The following GBF1 variants were observed in gnomAD, a reference collection of about 807,000 sequenced individuals.
GBF1 encodes the protein golgi brefeldin A resistant guanine nucleotide exchange factor 1.
In GBF1, 114 loss-of-function variants were observed where a neutral mutation model predicts 210.5. That is an observed-to-expected ratio of 0.54 (90% CI 0.47 to 0.63). The LOEUF (loss-of-function observed/expected upper bound fraction) is 0.63, where lower values mean the gene tolerates loss of function less well. Ranked by LOEUF, GBF1 falls within the 30% of genes least tolerant of loss-of-function variation. The pLI is 0.00. For synonymous variants in GBF1, 850 were observed against 889.2 expected (o/e 0.96, Z 0.78); for missense variants, 1,851 against 2,357.7 (o/e 0.79, Z 4.45).
At chr10:102,353,485 C>A in intron 7 of GBF1, 115 bp from the exon 8 acceptor site, 1 of 766,290 alleles carries the variant, frequency 1.3e-6, no homozygotes, top group Non-Finnish European at 2.4e-6. Flanking sequence ...CTTTTGTAGC[C>A]TTTTCTAAGA....
intron 29 of GBF1, among the ~76,000 whole-genome samples, chr10:102,372,556 G>A (rs1589816568): frequency 1.3e-5 from 2 of 152,202 alleles, no homozygotes; most frequent in Non-Finnish European, 2.9e-5. Context: ...ATTATGTGGT[G>A]TCGATGGAGG....
Position 102,363,981 on chromosome 10 carries a change from T to C in GBF1, c.2106+183T>C, listed in dbSNP as rs1589786547. ...AAGCCCTTCCCTTACTCCTAAGCTA[T>C]GTAGTTGAGCATACCCTATGTATGC... On this transcript the variant is annotated intron_variant, in intron 17 of 39. Transcript: ENST00000369983. The surrounding 1 kb of genome is among the most constrained non-coding windows in gnomAD (Gnocchi z 4.2). 3.3e-5 allele frequency among the ~76,000 whole-genome samples: 5 copies of C among 152,234 alleles called. No individual in the cohort carries two copies. Among genetic ancestry groups the C allele is most frequent in the Admixed American group, 6.5e-5 (1 of 15,290 alleles).
chr10:102,331,793 C>T (rs1338125121), intron 3 of GBF1, among the ~76,000 whole-genome samples: 1 of 151,828 alleles, frequency 6.6e-6, no homozygotes, highest in Non-Finnish European at 1.5e-5. Context: ...GTGATCCACC[C>T]CACACGTCAG....
At chr10:102,336,672 C>T (rs1374035441) in intron 3 of GBF1, among the ~76,000 whole-genome samples, 2 of 152,128 alleles carry the variant, frequency 1.3e-5, no homozygotes, top group Non-Finnish European at 2.9e-5. Context: ...GAATCGTCCA[C>T]GAAAGCCCAT....
At chr10:102,230,753 CG>C in the GBF1 span, 24 of 1,489,030 alleles carry the variant, frequency 1.6e-5, no homozygotes, top group East Asian at 8.0e-5. Context: ...GGAGCCAGCC[CG>C]GGGGGGCCCC....
chr10:102,370,568 G>A, intron 28 of GBF1, 90 bp downstream of exon 28: 1 of 1,305,742 alleles, frequency 7.7e-7, no homozygotes, highest in Non-Finnish European at 1.1e-6. Flanking sequence ...CTGGGGAACT[G>A]TAGGCAGCAG....
chr10:102,240,444 C>T (rs902910386), upstream of GBF1, among the ~76,000 whole-genome samples: 2 of 152,232 alleles, frequency 1.3e-5, no homozygotes, highest in African/African-American at 4.8e-5. Flanking sequence ...CTTCGCAGCC[C>T]GAAGGAGCTG....
At chr10:102,324,549 A>G (rs1033911098) in intron 3 of GBF1, among the ~76,000 whole-genome samples, 3 of 151,984 alleles carry the variant, frequency 2.0e-5, no homozygotes, top group Admixed American at 6.6e-5. Context: ...CATCTCTACC[A>G]TTGGGTGGTC....
At chr10:102,355,108 C>A (rs2059216854) in intron 8 of GBF1, among the ~76,000 whole-genome samples, 1 of 152,016 alleles carries the variant, frequency 6.6e-6, no homozygotes, top group Non-Finnish European at 1.5e-5. Flanking sequence ...CTAAAGATTA[C>A]CCTAATCTGC....
intron 3 of GBF1, among the ~76,000 whole-genome samples, chr10:102,266,078 A>C (rs1392614182): frequency 2.0e-5 from 3 of 152,162 alleles, no homozygotes; most frequent in African/African-American, 7.2e-5. Context: ...TCTACTAAAA[A>C]AATACAAAAA....
intron 3 of GBF1, among the ~76,000 whole-genome samples, chr10:102,313,736 C>T (rs1267257229): frequency 6.6e-6 from 1 of 152,160 alleles, no homozygotes; most frequent in Admixed American, 6.5e-5. Context: ...TAATCCTGTC[C>T]ACCTAACTAG....
chr10:102,237,682 C>A, the GBF1 span, among the ~76,000 whole-genome samples: 1 of 152,170 alleles, frequency 6.6e-6, no homozygotes, highest in Non-Finnish European at 1.5e-5. Flanking sequence ...GTTTTGAGGT[C>A]ACCAGCTTTA....
At chr10:102,283,973 T>G (rs980867702) in intron 3 of GBF1, among the ~76,000 whole-genome samples, 3 of 152,148 alleles carry the variant, frequency 2.0e-5, no homozygotes, top group Non-Finnish European at 4.4e-5. Context: ...GAGCCTCCAG[T>G]GGGAATACAG....
intron 3 of GBF1, among the ~76,000 whole-genome samples, chr10:102,270,361 G>C (rs139997466): frequency 0.016 from 2,482 of 152,032 alleles, 26 homozygotes; most frequent in Non-Finnish European, 0.024. Context: ...GTAGAGACAG[G>C]GTTTCACCAT....
the GBF1 span, among the ~76,000 whole-genome samples, chr10:102,237,953 G>A: frequency 5.3e-5 from 8 of 152,074 alleles, no homozygotes; most frequent in Non-Finnish European, 1.2e-4. Flanking sequence ...ATCCAGGGGT[G>A]TGACAAAAAA....
intron 3 of GBF1, among the ~76,000 whole-genome samples, chr10:102,319,730 T>TTG (rs1466088125): frequency 7.4e-6 from 1 of 134,760 alleles, no homozygotes; most frequent in Admixed American, 7.4e-5. Flanking sequence ...TTTTCTTTCT[T>TTG]TTTTTTTTTT....
chr10:102,306,784 A>G (rs1345511718), intron 3 of GBF1, among the ~76,000 whole-genome samples: 1 of 152,210 alleles, frequency 6.6e-6, no homozygotes, highest in Non-Finnish European at 1.5e-5. Flanking sequence ...TTATTAGCTT[A>G]TATTATTGAG....
intron 3 of GBF1, among the ~76,000 whole-genome samples, chr10:102,318,855 A>T (rs1396898529): frequency 2.0e-5 from 3 of 152,192 alleles, no homozygotes; most frequent in African/African-American, 7.2e-5. Flanking sequence ...TCACCACCCC[A>T]TTCTCCTTTC....
At chr10:102,347,005 A>G (rs1353573218) in intron 4 of GBF1, among the ~76,000 whole-genome samples, 1 of 152,140 alleles carries the variant, frequency 6.6e-6, no homozygotes, top group Admixed American at 6.5e-5. Context: ...TCTGTAGTTT[A>G]TCTCTAAATT....
Sources: gnomAD v4.1 joint callset for allele counts (sites outside exome capture counted in the v4.1 genomes callset) on GRCh38, gnomAD v4.1.1 for gene constraint, Gnocchi (gnomAD v3.1) non-coding constraint, MANE v1.5 for transcripts, NCBI Gene and HGNC (gene_info 2026-07-23, HGNC 2026-07-21) for gene names.